The following AMPD3 variants were observed in gnomAD, a reference collection of about 807,000 sequenced individuals.
AMPD3 encodes AMP deaminase 3.
In AMPD3, 57 loss-of-function variants were observed where a neutral mutation model predicts 82.3. That is an observed-to-expected ratio of 0.69 (90% CI 0.56 to 0.86). AMPD3 has a LOEUF of 0.86. Among genes scored for constraint, AMPD3 ranks in the 40% least tolerant of loss-of-function variants. The probability of loss-of-function intolerance (pLI) is 0.00; values close to 1 mark genes in which losing one functional copy is unlikely to be tolerated. For synonymous variants in AMPD3, 381 were observed against 394.7 expected (o/e 0.97, Z 0.41); for missense variants, 870 against 1,003.8 (o/e 0.87, Z 1.80).
At chr11:10,455,107 T>A, upstream of AMPD3, 1 of 984,272 alleles carries the variant, frequency 1.0e-6, no homozygotes. Flanking sequence ...GGGTTACAGC[T>A]AGCCTCCCGG....
intron 13 of AMPD3, chr11:10,504,141 T>G: frequency 1.2e-6 from 1 of 860,444 alleles, no homozygotes; most frequent in Non-Finnish European, 1.4e-6. Flanking sequence ...TATCTATCTA[T>G]CTATCTATTT....
At chr11:10,504,083 TG>T (rs1388871595) in intron 13 of AMPD3, 1 of 934,994 alleles carries the variant, frequency 1.1e-6, no homozygotes, top group African/African-American at 1.8e-5. Flanking sequence ...ATTTTTTTTT[TG>T]ATGTTCCATC....
rs1192294726 is a variant in AMPD3 at position 10,476,470 on chromosome 11, T to TG, written c.222-2056_222-2055insG. Among the ~76,000 whole-genome samples, 28 of 137,830 alleles carry TG rather than the reference T, an allele frequency of 2.0e-4. No homozygotes were observed. The South Asian group carries it at 3.2e-3, about 16-fold the overall frequency. The allele number at this position is 137,830 out of a possible 152,430, so 90.4% of individuals were successfully genotyped here. A position where few individuals can be genotyped will look rare whatever the true frequency, so the allele number is the denominator to read the frequency against. ...CCCAGCATTTGGGCTGTAGTGTTTT[T>TG]TTTTTTGTGTGTGTGTGTGTGGTTT... On this transcript the variant is annotated intron_variant, in intron 2 of 14. Transcript: ENST00000396553.
chr11:10,469,767 C>T (rs143420406), intron 2 of AMPD3, among the ~76,000 whole-genome samples: 1,876 of 152,272 alleles, frequency 0.012, 44 homozygotes, highest in African/African-American at 0.043. Flanking sequence ...CGGCCGGGCG[C>T]GGTGGCTCAC....
rs140438626 is a variant in AMPD3, at chr11:10,465,988, G to A, written c.221+4248G>A. ...AACTAAGATCCACTGGTGGCCAGGC[G>A]CAGTGGCTCATGCCTGTAATCCCAG... On this transcript the variant is annotated intron_variant, in intron 2 of 14. Transcript: ENST00000396553. Among the ~76,000 whole-genome samples the A allele has an allele frequency of 2.8e-3, 433 of 152,244 alleles. 6 individuals carry two copies. The highest frequency in any genetic ancestry group is 9.9e-3 in the African/African-American group (412 of 41,560).
At chr11:10,486,999 G>A in intron 5 of AMPD3, 2 of 985,388 alleles carry the variant, frequency 2.0e-6, no homozygotes, top group Non-Finnish European at 2.4e-6. Context: ...ACACCTGTAT[G>A]AGGTCCCAGA....
intron 6 of AMPD3, among the ~76,000 whole-genome samples, chr11:10,492,994 G>A (rs1166169446): frequency 1.3e-5 from 2 of 152,234 alleles, no homozygotes; most frequent in Non-Finnish European, 2.9e-5. Flanking sequence ...GCAGTGGCAA[G>A]GCGAGAGTTA....
At chr11:10,498,638 G>A (rs557651011) in intron 10 of AMPD3, among the ~76,000 whole-genome samples, 1 of 152,364 alleles carries the variant, frequency 6.6e-6, no homozygotes, top group Admixed American at 6.5e-5. Flanking sequence ...ACAGGGCTCT[G>A]TGACACGGAA....
chr11:10,453,901 T>A (rs1016801998), upstream of AMPD3, among the ~76,000 whole-genome samples: 2 of 152,226 alleles, frequency 1.3e-5, no homozygotes, highest in Non-Finnish European at 2.9e-5. Context: ...TCTTTCTTGA[T>A]GAGACATAAT....
chr11:10,475,094 C>T (rs1169430164), intron 2 of AMPD3, among the ~76,000 whole-genome samples: 2 of 152,166 alleles, frequency 1.3e-5, no homozygotes, highest in African/African-American at 4.8e-5. Context: ...GCAGGCTGTA[C>T]AGGAAGCATG....
chr11:10,458,319 C>T (rs1428002754), intron 1 of AMPD3, among the ~76,000 whole-genome samples: 3 of 145,240 alleles, frequency 2.1e-5, no homozygotes, highest in Admixed American at 1.4e-4. Flanking sequence ...CTCCCTTCGG[C>T]AATTAAGGAG....
rs779211791 is a variant in AMPD3 at position 10,482,141 on chromosome 11, G to A, written c.505G>A (p.Ala169Thr). 6 of 1,613,958 alleles carry A rather than the reference G, an allele frequency of 3.7e-6. No homozygotes were observed. The highest frequency in any genetic ancestry group is 1.1e-5 in the South Asian group (1 of 91,086). The change falls in exon 4 of 15, where the codon GCC becomes ACC. Residue 169 changes from alanine (A) to threonine (T), a missense_variant. Transcript: ENST00000396553. ...GATCCGGGAGAAGTATGCGCGGCTC[G>A]CCTACCACCGCTTCCCGCGGATCAC... ...LMIREKYARL[A>T]YHRFPRITSQ... is the part of the protein sequence containing the mutation.
intron 6 of AMPD3, among the ~76,000 whole-genome samples, chr11:10,490,205 G>A (rs894353805): frequency 3.3e-5 from 5 of 152,212 alleles, no homozygotes; most frequent in South Asian, 2.1e-4. Context: ...GAGACACCCC[G>A]AGGCCCAGCC....
At chr11:10,461,469 G>A in intron 1 of AMPD3, 46 bp from the exon 2 acceptor site, 2 of 1,613,362 alleles carry the variant, frequency 1.2e-6, no homozygotes, top group Non-Finnish European at 1.7e-6. Flanking sequence ...CCCGGTGCTG[G>A]TGACTCAGGG....
At position 10,456,470 on chromosome 11, in the gene AMPD3, G is replaced by A; in HGVS notation, c.-6+1022G>A. The A allele has an allele frequency of 6.2e-7, 1 of 1,613,734 alleles. No individual in the cohort carries two copies. Among genetic ancestry groups the A allele is most frequent in the Non-Finnish European group, 8.5e-7 (1 of 1,179,650 alleles). ...GAACCAGCTTCCTTCGTATAACGAG[G>A]GGATTTCAGTGGCACTGGGCTTCCT... On this transcript the variant is annotated intron_variant, in intron 1 of 14. Transcript: ENST00000396553. This position sits in a 1 kb window ranked among gnomAD's most constrained non-coding sequence, Gnocchi z 4.3.
At chr11:10,497,423 G>A (rs989385393) in intron 10 of AMPD3, among the ~76,000 whole-genome samples, 1 of 152,242 alleles carries the variant, frequency 6.6e-6, no homozygotes, top group African/African-American at 2.4e-5. Context: ...AGGAGAAGGA[G>A]AGGAGCAGTC....
rs1489423040 is a variant in AMPD3 at position 10,456,302 on chromosome 11, C to G, written c.-6+854C>G. 2 of 1,602,578 alleles carry G rather than the reference C, an allele frequency of 1.2e-6. No individual in the cohort carries two copies. Among genetic ancestry groups the G allele is most frequent in the Non-Finnish European group, 1.7e-6 (2 of 1,172,534 alleles). On this transcript the variant is annotated intron_variant, in intron 1 of 14. Transcript: ENST00000396553. This position sits in a 1 kb window ranked among gnomAD's most constrained non-coding sequence, Gnocchi z 4.3. The stretch of plus-strand genomic sequence containing the variant: ...CAGACAGGACCCAGCCAGCTGCACG[C>G]ACGCACTGACTCAGCTGAGCCTCCT...
At chr11:10,500,796 G>C (rs10437597) in intron 11 of AMPD3, 58 of 985,220 alleles carry the variant, frequency 5.9e-5, no homozygotes, top group Non-Finnish European at 6.7e-5. Context: ...CTACCAATAC[G>C]CACACAGACG....
At position 10,456,294 on chromosome 11, in the gene AMPD3, G is replaced by A; in HGVS notation, c.-6+846G>A. 6.3e-7 allele frequency: 1 copy of A among 1,595,772 alleles called. No homozygotes were observed. Among genetic ancestry groups the A allele is most frequent in the Non-Finnish European group, 8.6e-7 (1 of 1,168,204 alleles). ...CCAGCCGGCAGACAGGACCCAGCCA[G>A]CTGCACGCACGCACTGACTCAGCTG... is the stretch of plus-strand genomic sequence containing the variant. On this transcript the variant is annotated intron_variant, in intron 1 of 14. Transcript: ENST00000396553. This position sits in a 1 kb window ranked among gnomAD's most constrained non-coding sequence, Gnocchi z 4.3.
Sources: allele counts gnomAD v4.1 joint callset (sites outside exome capture counted in the v4.1 genomes callset), GRCh38; gene constraint gnomAD v4.1.1; non-coding constraint Gnocchi (gnomAD v3.1); transcripts MANE v1.5; gene names NCBI Gene and HGNC (gene_info 2026-07-23, HGNC 2026-07-21).